The following IL1RAPL1 variants were observed in gnomAD, a reference collection of about 807,000 sequenced individuals.
IL1RAPL1 encodes the protein interleukin-1 receptor accessory protein-like 1.
In IL1RAPL1, 3 loss-of-function variants were observed where a neutral mutation model predicts 48.4. That is an observed-to-expected ratio of 0.06 (90% CI 0.03 to 0.16). The LOEUF is 0.16. Ranked by LOEUF, IL1RAPL1 falls within the 10% of genes least tolerant of loss-of-function variation. The pLI, the probability that IL1RAPL1 is intolerant of heterozygous loss-of-function variation, is 1.00. For missense variants in IL1RAPL1, 349 were observed against 530.6 expected, an observed-to-expected ratio of 0.66 and a Z score of 3.36; for synonymous variants, 185 against 187.7, an observed-to-expected ratio of 0.99 and a Z score of 0.12.
intron 9 of IL1RAPL1, among the ~76,000 whole-genome samples, chrX:29,952,850 T>A (rs1207454135): frequency 8.9e-6 from 1 of 112,324 alleles, no homozygotes; most frequent in Admixed American, 9.4e-5. Flanking sequence ...ATAGCTGAAG[T>A]TTTTATTCCA....
At chrX:29,712,991 A>T (rs1335033122) in intron 6 of IL1RAPL1, among the ~76,000 whole-genome samples, 1 of 112,038 alleles carries the variant, frequency 8.9e-6, no homozygotes. Flanking sequence ...TTTCAAACAA[A>T]TTTTTTTAGC....
intron 1 of IL1RAPL1, among the ~76,000 whole-genome samples, chrX:28,619,490 C>T (rs954182732): frequency 9.3e-6 from 1 of 108,004 alleles, no homozygotes; most frequent in African/African-American, 3.4e-5. Flanking sequence ...GCTTGCAGTC[C>T]CAGCTACTTG....
intron 5 of IL1RAPL1, among the ~76,000 whole-genome samples, chrX:29,449,271 T>G (rs1306259933): frequency 9.0e-6 from 1 of 111,481 alleles, no homozygotes; most frequent in Non-Finnish European, 1.9e-5. Flanking sequence ...AAAAATATTC[T>G]TAACTCATTC....
At chrX:29,340,628 C>G (rs1332700322) in intron 3 of IL1RAPL1, among the ~76,000 whole-genome samples, 1 of 111,990 alleles carries the variant, frequency 8.9e-6, no homozygotes, top group Non-Finnish European at 1.9e-5. Context: ...CCAATGATGT[C>G]TAGGAATCCC....
intron 3 of IL1RAPL1, among the ~76,000 whole-genome samples, chrX:29,367,564 AT>A (rs1171055732): frequency 2.0e-5 from 2 of 101,788 alleles, no homozygotes; most frequent in Admixed American, 2.2e-4. Context: ...TTATTTATTT[AT>A]TTATTTATTT....
At chrX:29,454,400 G>C (rs929186439) in intron 5 of IL1RAPL1, among the ~76,000 whole-genome samples, 1 of 111,878 alleles carries the variant, frequency 8.9e-6, no homozygotes, top group Non-Finnish European at 1.9e-5. Context: ...ACAGAGACAA[G>C]GGGACAGGCA....
Position 29,436,428 on chromosome X carries a change from C to T in IL1RAPL1, c.703+37120C>T, listed in dbSNP as rs6630861. 4.5e-5 allele frequency among the ~76,000 whole-genome samples: 5 copies of T among 110,030 alleles called. No homozygotes were observed. The East Asian group carries it at 1.4e-3, about 31-fold the overall frequency. On this transcript the variant is annotated intron_variant, in intron 5 of 10. Transcript: ENST00000378993. ...ATTTTACTAAGTACCGTGATTTTGC[C>T]TGCATTTTCAAGTACCTAGATAGAA...
At chrX:29,145,240 A>G (rs1233271681) in intron 2 of IL1RAPL1, among the ~76,000 whole-genome samples, 1 of 111,983 alleles carries the variant, frequency 8.9e-6, no homozygotes, top group East Asian at 2.8e-4. Context: ...TGTTTTTACA[A>G]TAGTGCCATT....
At position 28,846,276 on chromosome X, in the gene IL1RAPL1, A is replaced by G. The variant is rs187059393; in HGVS notation, c.82+56851A>G. Among the ~76,000 whole-genome samples the G allele has an allele frequency of 1.6e-3, 183 of 112,161 alleles. 2 individuals are homozygous for G. The highest frequency in any genetic ancestry group is 5.6e-3 in the African/African-American group (172 of 30,907). ...ATAGCTGATTTATTTTTAGCACTCAATAATATTCTATTGTCGGGATGTACC... is the reference window on the plus strand; with the variant it reads ...ATAGCTGATTTATTTTTAGCACTCAGTAATATTCTATTGTCGGGATGTACC... On this transcript the variant is annotated intron_variant, in intron 2 of 10. Coordinates refer to ENST00000378993, the MANE Select transcript of IL1RAPL1 (RefSeq NM_014271.4).
At chrX:29,775,260 G>A (rs1489971191) in intron 6 of IL1RAPL1, among the ~76,000 whole-genome samples, 7 of 111,491 alleles carry the variant, frequency 6.3e-5, no homozygotes, top group Non-Finnish European at 1.1e-4. Flanking sequence ...GTGAGTTGAA[G>A]AGCTGGGTAA....
intron 2 of IL1RAPL1, among the ~76,000 whole-genome samples, chrX:29,247,439 TAA>T (rs779667459): frequency 2.0e-3 from 209 of 102,060 alleles, no homozygotes; most frequent in Middle Eastern, 1.0e-2. Context: ...GACAGAGAAA[TAA>T]AAAAAAAAAA....
At chrX:28,769,904 T>A (rs756961865) in intron 1 of IL1RAPL1, among the ~76,000 whole-genome samples, 2 of 112,158 alleles carry the variant, frequency 1.8e-5, no homozygotes, top group Admixed American at 1.9e-4. Context: ...AATTGTTTTA[T>A]CAAAAAGATA....
chrX:29,444,188 A>T (rs1934583693), intron 5 of IL1RAPL1, among the ~76,000 whole-genome samples: 1 of 110,038 alleles, frequency 9.1e-6, no homozygotes, highest in Non-Finnish European at 1.9e-5. Context: ...CTAAAAATAC[A>T]AAAATTAGCC....
At chrX:28,848,992 CT>C (rs1466588674) in intron 2 of IL1RAPL1, among the ~76,000 whole-genome samples, 1 of 111,435 alleles carries the variant, frequency 9.0e-6, no homozygotes, top group African/African-American at 3.3e-5. Context: ...ACCTCTGATT[CT>C]TTCAGCCCTA....
At chrX:29,000,138 C>G (rs1021336491) in intron 2 of IL1RAPL1, among the ~76,000 whole-genome samples, 1 of 110,974 alleles carries the variant, frequency 9.0e-6, no homozygotes, top group Admixed American at 9.7e-5. Context: ...CCTGAATCTC[C>G]CGATGATATA....
chrX:29,389,943 C>T (rs1933833643), intron 3 of IL1RAPL1, among the ~76,000 whole-genome samples: 1 of 111,702 alleles, frequency 9.0e-6, no homozygotes, highest in Non-Finnish European at 1.9e-5. Flanking sequence ...ACAAATCTCT[C>T]ATTTAGTATT....
chrX:29,154,310 C>T (rs768829299), intron 2 of IL1RAPL1, among the ~76,000 whole-genome samples: 5 of 111,286 alleles, frequency 4.5e-5, no homozygotes, highest in African/African-American at 9.8e-5. Flanking sequence ...GAGGCCGAGG[C>T]GGGTGGATCA....
At chrX:28,970,892 T>G (rs1206655071) in intron 2 of IL1RAPL1, among the ~76,000 whole-genome samples, 1 of 110,992 alleles carries the variant, frequency 9.0e-6, no homozygotes, top group Non-Finnish European at 1.9e-5. Flanking sequence ...ATGAAAACCC[T>G]TATATATATA....
In IL1RAPL1 at chrX:29,095,674, A is replaced by T. The variant is rs368455131; in HGVS notation, c.83-187264A>T. Among the ~76,000 whole-genome samples, 9 of 110,905 alleles carry T rather than the reference A, an allele frequency of 8.1e-5. No individual in the cohort carries two copies. The East Asian group carries it at 2.3e-3, about 28-fold the overall frequency. On this transcript the variant is annotated intron_variant, in intron 2 of 10. Coordinates refer to ENST00000378993, the MANE Select transcript of IL1RAPL1 (RefSeq NM_014271.4). ...AGAAATAAATCAGCTATCACTTATG[A>T]TTTTCTCAAGGAATAATGGTACCTT... is the stretch of plus-strand genomic sequence containing the variant.
Sources: allele counts gnomAD v4.1 joint callset (sites outside exome capture counted in the v4.1 genomes callset), GRCh38; gene constraint gnomAD v4.1.1; transcripts MANE v1.5; gene names NCBI Gene and HGNC (gene_info 2026-07-23, HGNC 2026-07-21).